Variants in HMCN1 observed in about 807,000 individuals in gnomAD.
The protein encoded by HMCN1 is hemicentin-1.
HMCN1 carries 321 observed loss-of-function variants against 625.9 expected under a neutral mutation model. That is an observed-to-expected ratio of 0.51 (90% CI 0.47 to 0.56). HMCN1 has a LOEUF of 0.56. Among genes scored for constraint, HMCN1 ranks in the 20% least tolerant of loss-of-function variants. The probability of loss-of-function intolerance (pLI) is 0.00; values close to 1 mark genes in which losing one functional copy is unlikely to be tolerated. For missense variants in HMCN1, 6,588 were observed against 6,887.3 expected (o/e 0.96, Z 1.54); for synonymous variants, 2,425 against 2,417.6 (o/e 1.00, Z -0.09).
intron 6 of HMCN1, among the ~76,000 whole-genome samples, chr1:185,919,130 A>G (rs533382240): frequency 1.9e-3 from 289 of 151,596 alleles, no homozygotes; most frequent in Non-Finnish European, 3.4e-3. Flanking sequence ...AAAATGGCTA[A>G]CATAATTTGG....
At chr1:186,188,094 A>G in intron 106 of HMCN1, 85 bp downstream of exon 106, 1 of 1,503,786 alleles carries the variant, frequency 6.6e-7, no homozygotes, top group Non-Finnish European at 9.2e-7. Context: ...GTCTCTTGTC[A>G]TGTGTAACTC....
At chr1:185,911,441 A>G (rs911002288) in intron 5 of HMCN1, among the ~76,000 whole-genome samples, 1 of 152,170 alleles carries the variant, frequency 6.6e-6, no homozygotes, top group African/African-American at 2.4e-5. Flanking sequence ...GTTTTGAGCT[A>G]TGGGTATAAG....
intron 67 of HMCN1, 62 bp from the exon 68 acceptor site, chr1:186,095,181 A>G: frequency 6.7e-7 from 1 of 1,493,580 alleles, no homozygotes. Context: ...AAATGTTTTA[A>G]TTTAAATTGA....
At chr1:185,823,117 C>T (rs1009204441) in intron 1 of HMCN1, among the ~76,000 whole-genome samples, 2 of 151,916 alleles carry the variant, frequency 1.3e-5, no homozygotes, top group African/African-American at 2.4e-5. Flanking sequence ...GGAATGAATA[C>T]CAATAACATT....
At chr1:186,084,675 C>T (rs140846800) in intron 57 of HMCN1, among the ~76,000 whole-genome samples, 145 of 152,050 alleles carry the variant, frequency 9.5e-4, no homozygotes, top group African/African-American at 3.4e-3. Flanking sequence ...CTTCTCTTAG[C>T]CCATATCTTC....
intron 102 of HMCN1, among the ~76,000 whole-genome samples, chr1:186,173,079 GCTAT>G (rs997043059): frequency 6.6e-6 from 1 of 152,166 alleles, no homozygotes; most frequent in African/African-American, 2.4e-5. Context: ...CTTCTTGACA[GCTAT>G]CTAACCTTGG....
rs372017606 is a variant in HMCN1 at position 186,130,412 on chromosome 1, C to G, written c.13040-95C>G. 7.7e-6 allele frequency: 10 copies of G among 1,292,212 alleles called. No homozygotes were observed. In the African/African-American group the frequency reaches 1.2e-4, roughly 15 times the overall value. 80.0% of individuals were successfully genotyped at this position (1,292,212 alleles called of 1,614,324 possible). Reference sequence around the variant, plus strand: ...GAGTCTTTAAGGTGGCTTTACTCCCCTCTTTACTAAATTATTTTTCCAAAT... The same window carrying G: ...GAGTCTTTAAGGTGGCTTTACTCCCGTCTTTACTAAATTATTTTTCCAAAT... On this transcript the variant is annotated intron_variant, in intron 84 of 106. Coordinates refer to ENST00000271588, the MANE Select transcript of HMCN1 (RefSeq NM_031935.3).
intron 1 of HMCN1, among the ~76,000 whole-genome samples, chr1:185,843,892 CTT>C (rs1661644290): frequency 1.3e-5 from 2 of 152,158 alleles, no homozygotes; most frequent in Non-Finnish European, 1.5e-5. Flanking sequence ...TATCGGTCCT[CTT>C]ATTTTAATAG....
intron 75 of HMCN1, 68 bp downstream of exon 75, chr1:186,115,482 T>G (rs915276668): frequency 2.1e-6 from 3 of 1,430,482 alleles, no homozygotes; most frequent in Non-Finnish European, 2.9e-6. Flanking sequence ...ATTTTAATTC[T>G]ATCAGTGGGG....
Position 186,007,275 on chromosome 1 carries a change from T to A in HMCN1, c.4623T>A (p.Thr1541=). The A allele has an allele frequency of 6.2e-7, 1 of 1,613,490 alleles. No homozygotes were observed. The highest frequency in any genetic ancestry group is 1.7e-4 in the Middle Eastern group (1 of 6,054). The change falls in exon 30 of 107, where the codon ACT becomes ACA. Residue 1541 remains threonine, a synonymous_variant. Coordinates refer to ENST00000271588, the MANE Select transcript of HMCN1 (RefSeq NM_031935.3). The part of the protein sequence containing the change: ...AGKQAKDIKL[T]IYIPPSIKGG... The stretch of plus-strand genomic sequence containing the variant: ...AACAAGCCAAGGATATAAAACTGAC[T>A]ATCTATAGTAAGTGCGATTGTCTTA...
At position 186,166,228 on chromosome 1, in the gene HMCN1, C is replaced by T. The variant is rs768737922; in HGVS notation, c.15364C>T (p.His5122Tyr). The change falls in exon 99 of 107, where the codon CAC (histidine) becomes TAC (tyrosine). Residue 5122 changes from histidine (H) to tyrosine (Y), a missense_variant. Physicochemically the swap from His to Tyr is moderately conservative, Grantham distance 83. Transcript: ENST00000271588. ...AGGGAATCCCTGCTCCCATAGCTGCCACAATGCCATGGGGACTTACTACTG... is the reference window on the plus strand; with the variant it reads ...AGGGAATCCCTGCTCCCATAGCTGCTACAATGCCATGGGGACTTACTACTG... ...AAGNPCSHSC[H>Y]NAMGTYYCSC... is the part of the protein sequence containing the mutation. The T allele has an allele frequency of 1.9e-6, 3 of 1,613,962 alleles. No homozygotes were observed. Among genetic ancestry groups the T allele is most frequent in the African/African-American group, 2.7e-5 (2 of 75,024 alleles).
chr1:185,737,979 C>T (rs1313134928), intron 1 of HMCN1, among the ~76,000 whole-genome samples: 31 of 152,036 alleles, frequency 2.0e-4, no homozygotes, highest in Admixed American at 1.8e-3. Context: ...ATGTAAGAAG[C>T]GCTGTGTTGA....
chr1:185,879,734 C>A (rs892350979), intron 4 of HMCN1, among the ~76,000 whole-genome samples: 1 of 152,096 alleles, frequency 6.6e-6, no homozygotes, highest in Non-Finnish European at 1.5e-5. Flanking sequence ...ACGTCTGGAG[C>A]AAACCCAGTT....
At chr1:186,166,974 A>G (rs1651920474) in intron 100 of HMCN1, 32 bp downstream of exon 100, 1 of 1,613,868 alleles carries the variant, frequency 6.2e-7, no homozygotes, top group South Asian at 1.1e-5. Flanking sequence ...CTTTATGTTC[A>G]TGACAGTAAG....
chr1:186,141,291 CT>C (rs1168710743), intron 89 of HMCN1, among the ~76,000 whole-genome samples: 3 of 151,878 alleles, frequency 2.0e-5, no homozygotes, highest in African/African-American at 4.9e-5. Flanking sequence ...TTGAGGACCC[CT>C]GGTTTATCAT....
chr1:186,020,953 G>GT (rs1305329397), intron 35 of HMCN1, among the ~76,000 whole-genome samples: 1 of 152,046 alleles, frequency 6.6e-6, no homozygotes, highest in Non-Finnish European at 1.5e-5. Context: ...CCTTTGAAGA[G>GT]TTTTAAGAGA....
chr1:185,990,204 T>C (rs1330902201), intron 21 of HMCN1, 71 bp from the exon 22 acceptor site: 1 of 1,316,094 alleles, frequency 7.6e-7, no homozygotes, highest in Non-Finnish European at 1.1e-6. Flanking sequence ...GTAGTCCACA[T>C]TTTAGTGTAA....
At chr1:185,912,867 A>G (rs1392876952) in intron 6 of HMCN1, among the ~76,000 whole-genome samples, 5 of 152,144 alleles carry the variant, frequency 3.3e-5, no homozygotes, top group African/African-American at 1.2e-4. Flanking sequence ...AAATGAAGAT[A>G]TCCTGTACAT....
At chr1:185,998,320 G>A (rs866093707) in intron 25 of HMCN1, among the ~76,000 whole-genome samples, 11 of 152,110 alleles carry the variant, frequency 7.2e-5, no homozygotes, top group South Asian at 2.1e-4. Context: ...CCTGGGCAGC[G>A]GCAACTGAAG....
Sources: gnomAD v4.1 joint callset for allele counts (sites outside exome capture counted in the v4.1 genomes callset) on GRCh38, gnomAD v4.1.1 for gene constraint, MANE v1.5 for transcripts, NCBI Gene and HGNC (gene_info 2026-07-23, HGNC 2026-07-21) for gene names.